The following GRIP1 variants were observed in gnomAD, a reference collection of about 807,000 sequenced individuals.
GRIP1 encodes glutamate receptor-interacting protein 1.
A neutral mutation model predicts 129.9 loss-of-function variants in GRIP1; 45 were observed. The ratio of observed to expected loss-of-function variants is 0.35; its 90% CI spans 0.27 to 0.44. The LOEUF is 0.44. GRIP1 is among the 20% of genes least tolerant of loss of function. The pLI, the probability that GRIP1 is intolerant of heterozygous loss-of-function variation, is 1.00. For synonymous variants in GRIP1, 530 were observed against 520.8 expected (o/e 1.02, Z -0.24); for missense variants, 1,196 against 1,396.8 (o/e 0.86, Z 2.29).
At chr12:66,358,183 C>G (rs1445105886) in intron 23 of GRIP1, among the ~76,000 whole-genome samples, 1 of 152,202 alleles carries the variant, frequency 6.6e-6, no homozygotes, top group Non-Finnish European at 1.5e-5. Context: ...GCGTAAGCCA[C>G]CACGCCCAGC....
chr12:66,688,568 G>A (rs2034862994), intron 1 of GRIP1, among the ~76,000 whole-genome samples: 1 of 151,984 alleles, frequency 6.6e-6, no homozygotes, highest in Admixed American at 6.6e-5. Flanking sequence ...TCTCTCTTAG[G>A]AAATTCACAT....
chr12:66,543,170 C>T (rs981104648), intron 2 of GRIP1, among the ~76,000 whole-genome samples: 1 of 152,044 alleles, frequency 6.6e-6, no homozygotes, highest in Non-Finnish European at 1.5e-5. Context: ...GGGAAGAAGG[C>T]TGGGGACGGC....
At chr12:66,869,279 T>C (rs572731556) in intron 1 of GRIP1, among the ~76,000 whole-genome samples, 2 of 152,116 alleles carry the variant, frequency 1.3e-5, no homozygotes, top group Admixed American at 1.3e-4. Flanking sequence ...AAGGCAACTG[T>C]GGCTTCTGTT....
chr12:66,822,497 T>C (rs1383981890), intron 1 of GRIP1, among the ~76,000 whole-genome samples: 2 of 152,170 alleles, frequency 1.3e-5, no homozygotes, highest in Non-Finnish European at 2.9e-5. Context: ...ATCCCATTAC[T>C]TGGTATATAT....
At chr12:66,597,057 G>A (rs2064081650) in intron 1 of GRIP1, 130 bp from the exon 2 acceptor site, 1 of 743,670 alleles carries the variant, frequency 1.3e-6, no homozygotes, top group Non-Finnish European at 2.5e-6. Flanking sequence ...GGTAGGCCTG[G>A]GTCCTATACT....
At chr12:66,524,961 C>T (rs1034387991) in intron 5 of GRIP1, among the ~76,000 whole-genome samples, 6 of 152,040 alleles carry the variant, frequency 3.9e-5, no homozygotes, top group African/African-American at 7.2e-5. Flanking sequence ...ACACATACAC[C>T]CTCCCAAGAC....
At chr12:66,987,033 T>A (rs898839484) in intron 1 of GRIP1, among the ~76,000 whole-genome samples, 1 of 152,148 alleles carries the variant, frequency 6.6e-6, no homozygotes, top group African/African-American at 2.4e-5. Flanking sequence ...AGAGTATGTG[T>A]GCCTTCTGGC....
intron 2 of GRIP1, among the ~76,000 whole-genome samples, chr12:66,588,756 G>C (rs1417452017): frequency 6.6e-6 from 1 of 151,942 alleles, no homozygotes; most frequent in African/African-American, 2.4e-5. Context: ...AGATCATGAG[G>C]TCAGGAGTTC....
chr12:66,564,528 G>GT lies in GRIP1; in HGVS notation c.137-22579dup, dbSNP rs544317343. Among the ~76,000 whole-genome samples, 91 of 152,146 alleles carry GT rather than the reference G, an allele frequency of 6.0e-4. No homozygotes were observed. The South Asian group carries it at 7.7e-3, about 13-fold the overall frequency. On this transcript the variant is annotated intron_variant, in intron 2 of 24. Coordinates refer to ENST00000359742, the MANE Select transcript of GRIP1 (RefSeq NM_001366722.1). The stretch of plus-strand genomic sequence containing the variant: ...CATTTTCTTAATCCAGTCTACTATT[G>GT]TTGGACATTTGGGTTGGTTCCAAGT...
chr12:66,515,618 C>G lies in GRIP1; in HGVS notation c.724+1G>C. ...ATCACACCCTCAGGACCCCAACATACCCATTACTGAGACATCATATTCTAT... is the reference window on the plus strand; with the variant it reads ...ATCACACCCTCAGGACCCCAACATAGCCATTACTGAGACATCATATTCTAT... On this transcript the variant is annotated splice_donor_variant, in intron 7 of 24. Transcript: ENST00000359742. LOFTEE classifies it high-confidence loss of function. 1 of 1,612,678 alleles carries G rather than the reference C, an allele frequency of 6.2e-7. No homozygotes were observed. The highest frequency in any genetic ancestry group is 8.5e-7 in the Non-Finnish European group (1 of 1,178,734).
rs377630345 is a variant in GRIP1 at position 66,785,343 on chromosome 12, C to CATACATACATACATATATAT, written c.-420+18709_-420+18710insATATATATGTATGTATGTAT. ...ACATACATACATACATACATACATA[C>CATACATACATACATATATAT]ATATATATATATATATATATTAGTT... On this transcript the variant is annotated intron_variant, in intron 1 of 4. Transcript: ENST00000538373. 2.2e-3 allele frequency among the ~76,000 whole-genome samples: 157 copies of CATACATACATACATATATAT among 72,774 alleles called. 1 individual carries two copies. The highest frequency in any genetic ancestry group is 5.4e-3 in the African/African-American group (107 of 19,714). The allele number at this position is 72,774 out of a possible 152,430, so 47.7% of individuals were successfully genotyped here. A position where few individuals can be genotyped will look rare whatever the true frequency, so the allele number is the denominator to read the frequency against.
chr12:66,437,822 G>A (rs1047234160), intron 13 of GRIP1, among the ~76,000 whole-genome samples: 5 of 152,222 alleles, frequency 3.3e-5, no homozygotes, highest in South Asian at 2.1e-4. Context: ...CAGTAGGGCA[G>A]AGGTTTAGAA....
chr12:66,552,434 C>T (rs1052104122), intron 2 of GRIP1, among the ~76,000 whole-genome samples: 1 of 152,178 alleles, frequency 6.6e-6, no homozygotes, highest in Admixed American at 6.5e-5. Flanking sequence ...AGTATTCTTA[C>T]ATCCATTCAC....
At chr12:66,632,204 G>C (rs1478240115) in intron 1 of GRIP1, among the ~76,000 whole-genome samples, 2 of 152,214 alleles carry the variant, frequency 1.3e-5, no homozygotes, top group African/African-American at 4.8e-5. Context: ...TGGAAGTATA[G>C]TAAGACATTT....
intron 1 of GRIP1, among the ~76,000 whole-genome samples, chr12:66,607,540 G>T (rs1232844637): frequency 6.6e-6 from 1 of 152,170 alleles, no homozygotes; most frequent in Non-Finnish European, 1.5e-5. Context: ...TGTTCATGTA[G>T]CCAGAGTGGG....
intron 1 of GRIP1, among the ~76,000 whole-genome samples, chr12:66,858,387 GA>G (rs1470026989): frequency 6.6e-6 from 1 of 151,844 alleles, no homozygotes; most frequent in Non-Finnish European, 1.5e-5. Flanking sequence ...AGATGAAAGT[GA>G]ATCTATTGTA....
intron 13 of GRIP1, among the ~76,000 whole-genome samples, chr12:66,435,783 T>C (rs1565735094): frequency 6.6e-6 from 1 of 152,218 alleles, no homozygotes; most frequent in Non-Finnish European, 1.5e-5. Context: ...TATCACTTCC[T>C]GGAAAACAGT....
chr12:66,871,151 G>A (rs1483175341), intron 1 of GRIP1, among the ~76,000 whole-genome samples: 3 of 152,018 alleles, frequency 2.0e-5, no homozygotes, highest in Non-Finnish European at 4.4e-5. Flanking sequence ...TTGGGAAGAG[G>A]GGTCTTCTGG....
At position 66,737,628 on chromosome 12, in the gene GRIP1, T is replaced by A. The variant is rs561657705; in HGVS notation, c.-420+66425A>T. Among the ~76,000 whole-genome samples the A allele has an allele frequency of 1.4e-4, 22 of 152,318 alleles. 2 individuals carry two copies. The South Asian group carries it at 4.4e-3, about 30-fold the overall frequency. ...TCCAGCATTTCCAGCATAATTTCTA[T>A]CTTCCTCTTCCTCGAACTCAGTATC... is the stretch of plus-strand genomic sequence containing the variant. On this transcript the variant is annotated intron_variant, in intron 1 of 4. Coordinates refer to the GRIP1 transcript ENST00000538373.
Sources: gnomAD v4.1 joint callset for allele counts (sites outside exome capture counted in the v4.1 genomes callset) on GRCh38, gnomAD v4.1.1 for gene constraint, MANE v1.5 for transcripts, NCBI Gene and HGNC (gene_info 2026-07-23, HGNC 2026-07-21) for gene names.